Variants in CDH13 observed in about 807,000 individuals in gnomAD.
CDH13 encodes the protein cadherin 13.
In CDH13, 24 loss-of-function variants were observed where a neutral mutation model predicts 63.8. That is an observed-to-expected ratio of 0.38 (90% CI 0.27 to 0.53). The LOEUF (loss-of-function observed/expected upper bound fraction) is 0.53. Ranked by LOEUF, CDH13 falls within the 20% of genes least tolerant of loss-of-function variation. The probability of loss-of-function intolerance (pLI) is 0.85; values close to 1 mark genes in which losing one functional copy is unlikely to be tolerated. For synonymous variants in CDH13, 503 were observed against 355.3 expected, an observed-to-expected ratio of 1.42 and a Z score of -4.67; for missense variants, 1,049 against 903.1, an observed-to-expected ratio of 1.16 and a Z score of -2.07.
At chr16:83,094,453 A>G (rs181762563) in intron 3 of CDH13, among the ~76,000 whole-genome samples, 10 of 152,318 alleles carry the variant, frequency 6.6e-5, no homozygotes, top group Admixed American at 1.3e-4. Context: ...GAGCTTTAAG[A>G]TGAGGAGAAC....
chr16:83,344,803 T>A (rs2090802302), intron 5 of CDH13, 59 bp from the exon 6 acceptor site: 1 of 1,584,604 alleles, frequency 6.3e-7, no homozygotes. Flanking sequence ...GAGAACCTTA[T>A]TTGAATTTTC....
chr16:83,508,672 C>G (rs549019358), intron 7 of CDH13, among the ~76,000 whole-genome samples: 11 of 152,164 alleles, frequency 7.2e-5, no homozygotes, highest in African/African-American at 2.4e-4. Flanking sequence ...CACCAGTTGT[C>G]CACAGAGATA....
At chr16:83,253,132 C>A (rs1050704044) in intron 5 of CDH13, among the ~76,000 whole-genome samples, 81 of 152,252 alleles carry the variant, frequency 5.3e-4, no homozygotes, top group African/African-American at 1.6e-3. Context: ...AGTAAAATAA[C>A]AAGGCAAAGG....
intron 11 of CDH13, among the ~76,000 whole-genome samples, chr16:83,773,523 C>G (rs1024562577): frequency 5.9e-5 from 9 of 152,106 alleles, no homozygotes; most frequent in African/African-American, 2.2e-4. Flanking sequence ...CTCATGAGAA[C>G]TCACTCACTA....
chr16:83,286,258 CA>C (rs770344290), intron 5 of CDH13, among the ~76,000 whole-genome samples: 3 of 152,190 alleles, frequency 2.0e-5, no homozygotes, highest in Non-Finnish European at 2.9e-5. Flanking sequence ...TGCACGATGC[CA>C]GTTGCATCCA....
chr16:83,512,365 T>TAAATAAATA (rs1555564550), intron 7 of CDH13, among the ~76,000 whole-genome samples: 29 of 108,550 alleles, frequency 2.7e-4, no homozygotes, highest in Middle Eastern at 6.7e-3. Flanking sequence ...AATAAATAAA[T>TAAATAAATA]AAATAAAATA....
intron 2 of CDH13, among the ~76,000 whole-genome samples, chr16:82,927,059 A>G (rs116790687): frequency 0.018 from 2,695 of 152,086 alleles, 83 homozygotes; most frequent in African/African-American, 0.061. Flanking sequence ...TCCTTTATTC[A>G]TTCCTTAATG....
chr16:83,429,500 A>T (rs1309586315), intron 6 of CDH13, among the ~76,000 whole-genome samples: 2 of 147,838 alleles, frequency 1.4e-5, no homozygotes, highest in African/African-American at 4.9e-5. Flanking sequence ...TATACACTAA[A>T]AGACAATGAA....
At chr16:82,678,173 G>A (rs1353475562) in intron 1 of CDH13, among the ~76,000 whole-genome samples, 2 of 152,054 alleles carry the variant, frequency 1.3e-5, no homozygotes, top group Non-Finnish European at 2.9e-5. Context: ...AACATGCTGT[G>A]TATTGGATGG....
intron 1 of CDH13, among the ~76,000 whole-genome samples, chr16:82,649,239 C>A (rs1910454099): frequency 6.6e-6 from 1 of 151,982 alleles, no homozygotes; most frequent in African/African-American, 2.4e-5. Flanking sequence ...CACACAGGGT[C>A]CAAACTCAGA....
At chr16:83,270,062 C>A (rs1312288520) in intron 5 of CDH13, among the ~76,000 whole-genome samples, 1 of 152,128 alleles carries the variant, frequency 6.6e-6, no homozygotes, top group Non-Finnish European at 1.5e-5. Flanking sequence ...TAACTGGTTT[C>A]TCTTTGGAAA....
intron 6 of CDH13, among the ~76,000 whole-genome samples, chr16:83,403,149 C>A (rs1236972032): frequency 1.3e-5 from 2 of 152,080 alleles, no homozygotes; most frequent in Non-Finnish European, 2.9e-5. Context: ...AATAATACGT[C>A]TTGTGAGAAT....
intron 3 of CDH13, among the ~76,000 whole-genome samples, chr16:83,087,712 TATTA>T (rs1175063262): frequency 7.2e-6 from 1 of 138,728 alleles, no homozygotes; most frequent in Non-Finnish European, 1.5e-5. Flanking sequence ...AGCACCAAAG[TATTA>T]GCAAGTTCCT....
intron 7 of CDH13, among the ~76,000 whole-genome samples, chr16:83,549,605 C>G (rs1271570100): frequency 1.3e-5 from 2 of 149,570 alleles, no homozygotes; most frequent in African/African-American, 4.9e-5. Context: ...AGCACTGGGA[C>G]TATAGCTTTA....
chr16:83,643,337 GA>G (rs1312954377), intron 8 of CDH13, among the ~76,000 whole-genome samples: 1 of 149,786 alleles, frequency 6.7e-6, no homozygotes, highest in African/African-American at 2.5e-5. Flanking sequence ...CCACACACCT[GA>G]GAGAGGACTA....
At chr16:83,337,942 G>A (rs761800441) in intron 5 of CDH13, among the ~76,000 whole-genome samples, 71 of 152,024 alleles carry the variant, frequency 4.7e-4, no homozygotes, top group Non-Finnish European at 8.2e-4. Context: ...CAAAAAAAAT[G>A]TAAGGGAGTC....
chr16:83,184,908 CGT>C (rs71854021), intron 4 of CDH13, among the ~76,000 whole-genome samples: 8,224 of 133,946 alleles, frequency 0.061, 688 homozygotes, highest in African/African-American at 0.21. Flanking sequence ...TGTGTGTGTG[CGT>C]GTGTGTGTGT....
intron 3 of CDH13, among the ~76,000 whole-genome samples, chr16:83,050,171 C>T (rs905462368): frequency 6.6e-6 from 1 of 152,144 alleles, no homozygotes. Context: ...CCACAGCAGC[C>T]AGACCCGGGC....
chr16:83,276,497 T>C (rs536090877), intron 5 of CDH13, among the ~76,000 whole-genome samples: 1 of 152,178 alleles, frequency 6.6e-6, no homozygotes, highest in East Asian at 1.9e-4. Context: ...ACTGGGCAAT[T>C]TACAAAAGAA....
Sources: allele counts gnomAD v4.1 joint callset (sites outside exome capture counted in the v4.1 genomes callset), GRCh38; gene constraint gnomAD v4.1.1; transcripts MANE v1.5; gene names NCBI Gene and HGNC (gene_info 2026-07-23, HGNC 2026-07-21).